The following PRELID2 variants were observed in gnomAD, a reference collection of about 807,000 sequenced individuals.
PRELID2 encodes PRELI domain containing 2, also known as PRELI domain-containing protein 2.
A neutral mutation model predicts 28.4 loss-of-function variants in PRELID2; 25 were observed. The ratio of observed to expected loss-of-function variants is 0.88; its 90% CI spans 0.64 to 1.23. The LOEUF is 1.23. Among genes scored for constraint, PRELID2 ranks in the 50% most tolerant of loss-of-function variants. The pLI, the probability that PRELID2 is intolerant of heterozygous loss-of-function variation, is 0.00. For missense variants in PRELID2, 201 were observed against 214.4 expected (o/e 0.94, Z 0.39); for synonymous variants, 76 against 71.6 (o/e 1.06, Z -0.31).
the PRELID2 span, among the ~76,000 whole-genome samples, chr5:145,239,115 G>A: frequency 6.6e-6 from 1 of 152,086 alleles, no homozygotes; most frequent in Non-Finnish European, 1.5e-5. Flanking sequence ...ACGAGGGCAA[G>A]TACTAATTTT....
downstream of PRELID2, among the ~76,000 whole-genome samples, chr5:145,467,069 A>G (rs1752008767): frequency 6.6e-6 from 1 of 152,154 alleles, no homozygotes; most frequent in Non-Finnish European, 1.5e-5. Context: ...AGCATCTCCC[A>G]GGAGTATCTT....
At chr5:145,594,558 C>T (rs1753275685) in intron 1 of PRELID2, among the ~76,000 whole-genome samples, 2 of 152,094 alleles carry the variant, frequency 1.3e-5, no homozygotes, top group East Asian at 3.9e-4. Context: ...CATGAAGATC[C>T]TCATCACAGT....
intron 1 of PRELID2, among the ~76,000 whole-genome samples, chr5:145,577,691 C>T (rs554437655): frequency 1.8e-4 from 27 of 152,076 alleles, no homozygotes; most frequent in African/African-American, 5.8e-4. Context: ...AGATTCTATC[C>T]AAATAAAACT....
At chr5:145,545,831 C>G (rs577325588) in intron 1 of PRELID2, among the ~76,000 whole-genome samples, 1 of 152,222 alleles carries the variant, frequency 6.6e-6, no homozygotes, top group East Asian at 1.9e-4. Context: ...GCTTCAATAT[C>G]ATGGTAAATA....
At chr5:145,591,074 T>A (rs970596136) in intron 1 of PRELID2, among the ~76,000 whole-genome samples, 1 of 152,060 alleles carries the variant, frequency 6.6e-6, no homozygotes, top group African/African-American at 2.4e-5. Flanking sequence ...GGTAGGAGGA[T>A]TGCTTGAGCC....
At chr5:145,648,134 A>G (rs13436791) in intron 1 of PRELID2, among the ~76,000 whole-genome samples, 2,424 of 152,320 alleles carry the variant, frequency 0.016, 69 homozygotes, top group African/African-American at 0.055. Flanking sequence ...AGTAAAGAAG[A>G]TGTGTATACC....
chr5:145,312,968 A>C, the PRELID2 span, among the ~76,000 whole-genome samples: 1 of 152,140 alleles, frequency 6.6e-6, no homozygotes, highest in East Asian at 1.9e-4. Flanking sequence ...AAATCTATAA[A>C]TTCAGTGCAA....
chr5:145,273,240 T>C, the PRELID2 span, among the ~76,000 whole-genome samples: 2 of 152,200 alleles, frequency 1.3e-5, no homozygotes, highest in Admixed American at 6.5e-5. Context: ...CTATAAGAAG[T>C]GGCCAGTATT....
chr5:145,248,213 C>T, the PRELID2 span, among the ~76,000 whole-genome samples: 2 of 152,192 alleles, frequency 1.3e-5, no homozygotes, highest in African/African-American at 4.8e-5. Flanking sequence ...TTCGTTCCCC[C>T]CCCTTCTTAA....
chr5:145,602,265 A>G (rs10064198), intron 1 of PRELID2, among the ~76,000 whole-genome samples: 29,379 of 152,178 alleles, frequency 0.19, 5,020 homozygotes, highest in African/African-American at 0.45. Context: ...CAGATAGCAC[A>G]TAGGGACCTT....
intron 5 of PRELID2, among the ~76,000 whole-genome samples, chr5:145,791,986 C>G (rs999350838): frequency 4.5e-4 from 69 of 152,104 alleles, no homozygotes; most frequent in African/African-American, 1.6e-3. Flanking sequence ...TTCACTTGCC[C>G]CTCATAGGCC....
the PRELID2 span, among the ~76,000 whole-genome samples, chr5:145,446,474 C>T: frequency 0.012 from 1,899 of 152,104 alleles, 24 homozygotes; most frequent in East Asian, 0.042. Context: ...GCCAGGAAAA[C>T]AGTATGGGGA....
chr5:145,587,420 C>T (rs776580646), intron 1 of PRELID2, among the ~76,000 whole-genome samples: 15 of 152,090 alleles, frequency 9.9e-5, no homozygotes, highest in Non-Finnish European at 1.8e-4. Context: ...ATGCCGATGT[C>T]GAATTGACTT....
intron 5 of PRELID2, among the ~76,000 whole-genome samples, chr5:145,770,669 G>T (rs896164623): frequency 6.6e-6 from 1 of 152,162 alleles, no homozygotes; most frequent in African/African-American, 2.4e-5. Context: ...TGATGATCCT[G>T]ATTCTGTGTA....
At chr5:145,820,185 T>A (rs939767079) in intron 2 of PRELID2, among the ~76,000 whole-genome samples, 167 bp from the exon 3 acceptor site, 1 of 151,462 alleles carries the variant, frequency 6.6e-6, no homozygotes, top group South Asian at 2.1e-4. Context: ...CACTGCAACT[T>A]CTACCTCCTG....
the PRELID2 span, among the ~76,000 whole-genome samples, chr5:145,452,709 A>G: frequency 6.6e-6 from 1 of 152,100 alleles, no homozygotes; most frequent in South Asian, 2.1e-4. Flanking sequence ...AGCCCATGGT[A>G]TAGATAATTA....
At chr5:145,727,973 C>A (rs759754679) in intron 1 of PRELID2, among the ~76,000 whole-genome samples, 4 of 152,118 alleles carry the variant, frequency 2.6e-5, no homozygotes, top group Non-Finnish European at 5.9e-5. Context: ...GCATTTTTAT[C>A]CTTACCTCCC....
At chr5:145,628,833 G>A (rs977709195) in intron 1 of PRELID2, among the ~76,000 whole-genome samples, 9 of 152,094 alleles carry the variant, frequency 5.9e-5, no homozygotes, top group African/African-American at 1.9e-4. Flanking sequence ...ATATTAAAAA[G>A]CAGTATAATT....
chr5:145,429,665 T>C, the PRELID2 span, among the ~76,000 whole-genome samples: 10 of 152,222 alleles, frequency 6.6e-5, no homozygotes, highest in Admixed American at 2.0e-4. Flanking sequence ...TAGTTCATTA[T>C]GTATTTATTT....
Sources: gnomAD v4.1 joint callset for allele counts (sites outside exome capture counted in the v4.1 genomes callset) on GRCh38, gnomAD v4.1.1 for gene constraint, MANE v1.5 for transcripts, NCBI Gene and HGNC (gene_info 2026-07-23, HGNC 2026-07-21) for gene names.